EFCAB6: variants seen among roughly 807,000 people sequenced by gnomAD.
EFCAB6 encodes the protein EF-hand calcium-binding domain-containing protein 6.
A neutral mutation model predicts 169.8 loss-of-function variants in EFCAB6; 156 were observed. The ratio of observed to expected loss-of-function variants is 0.92; its 90% CI spans 0.81 to 1.05. EFCAB6 has a LOEUF of 1.05. Among genes scored for constraint, EFCAB6 ranks in the 50% least tolerant of loss-of-function variants. The pLI is 0.00. For synonymous variants in EFCAB6, 698 were observed against 676.4 expected (o/e 1.03, Z -0.50); for missense variants, 1,800 against 1,829.1 (o/e 0.98, Z 0.29).
At chr22:43,810,441 T>A (rs948973916) in intron 1 of EFCAB6, among the ~76,000 whole-genome samples, 1 of 152,190 alleles carries the variant, frequency 6.6e-6, no homozygotes, top group African/African-American at 2.4e-5. Context: ...TGAAAGGGTA[T>A]CATATTCATG....
chr22:43,604,955 C>G (rs1343730345), intron 22 of EFCAB6, among the ~76,000 whole-genome samples: 3 of 152,170 alleles, frequency 2.0e-5, no homozygotes, highest in Non-Finnish European at 2.9e-5. Context: ...GTTTTCAGAG[C>G]ACACCCTCTC....
At chr22:43,633,345 C>T (rs1340124650) in intron 18 of EFCAB6, among the ~76,000 whole-genome samples, 1 of 152,164 alleles carries the variant, frequency 6.6e-6, no homozygotes, top group African/African-American at 2.4e-5. Context: ...GTCAAGAGAT[C>T]GAGACCATCC....
intron 27 of EFCAB6, 69 bp downstream of exon 27, chr22:43,554,800 T>G: frequency 7.3e-7 from 1 of 1,362,478 alleles, no homozygotes; most frequent in Non-Finnish European, 1.0e-6. Flanking sequence ...ACTCTGTACA[T>G]TCTGGCCAGG....
intron 24 of EFCAB6, among the ~76,000 whole-genome samples, chr22:43,586,321 A>C (rs1227396248): frequency 2.1e-5 from 3 of 143,254 alleles, no homozygotes; most frequent in African/African-American, 8.0e-5. Flanking sequence ...GTATACTGTA[A>C]ACTCTTGAGC....
chr22:43,540,327 T>A lies in EFCAB6; in HGVS notation c.3679A>T (p.Asn1227Tyr), dbSNP rs140031636. ...FDRLWNEMPV[N>Y]AKGRLKYPDF... ...GGGTATTTCAGCCTCCCCTTGGCAT[T>A]GACTGGCATCTCGTTCCAGAGTCTG... The change falls in exon 28 of 32, where the codon AAT (asparagine) becomes TAT (tyrosine). Residue 1227 changes from asparagine (N) to tyrosine (Y), a missense_variant. By Grantham distance (143) the Asn-to-Tyr change is moderately radical. Coordinates refer to ENST00000262726, the MANE Select transcript of EFCAB6 (RefSeq NM_022785.4). 2,156 of 1,614,162 alleles carry A rather than the reference T, an allele frequency of 1.3e-3. 5 individuals are homozygous for A. The highest frequency in any genetic ancestry group is 1.5e-3 in the Non-Finnish European group (1,728 of 1,180,034).
intron 26 of EFCAB6, among the ~76,000 whole-genome samples, chr22:43,560,548 A>C (rs1440049001): frequency 6.6e-6 from 1 of 152,226 alleles, no homozygotes; most frequent in Non-Finnish European, 1.5e-5. Context: ...CCATGCTCTC[A>C]GGAGGGAACA....
chr22:43,555,863 T>A (rs1347299265), intron 26 of EFCAB6, among the ~76,000 whole-genome samples: 1 of 152,096 alleles, frequency 6.6e-6, no homozygotes, highest in African/African-American at 2.4e-5. Context: ...GGAGGAGGAA[T>A]TGGCTGTGGA....
intron 7 of EFCAB6, among the ~76,000 whole-genome samples, chr22:43,733,103 A>T (rs1382966317): frequency 6.6e-6 from 1 of 152,206 alleles, no homozygotes; most frequent in South Asian, 2.1e-4. Flanking sequence ...TATTGTTTTA[A>T]TAAGATAAAT....
At chr22:43,576,662 T>A (rs1430855613) in intron 25 of EFCAB6, among the ~76,000 whole-genome samples, 174 bp from the exon 26 acceptor site, 1 of 152,204 alleles carries the variant, frequency 6.6e-6, no homozygotes, top group Non-Finnish European at 1.5e-5. Context: ...GAGACAAGTA[T>A]GATATGAACG....
intron 23 of EFCAB6, among the ~76,000 whole-genome samples, chr22:43,594,054 T>C (rs1411597224): frequency 6.6e-6 from 1 of 152,008 alleles, no homozygotes; most frequent in Non-Finnish European, 1.5e-5. Flanking sequence ...GGTGGGCGGA[T>C]CACCTGAGGT....
rs2061295139 is a variant in EFCAB6 at position 43,765,391 on chromosome 22, G to A, written c.354C>T (p.Ile118=). 2.5e-6 allele frequency: 4 copies of A among 1,610,230 alleles called. No homozygotes were observed. In the East Asian group the frequency reaches 6.7e-5, roughly 27 times the overall value. ...REQFQDVLAQ[I]PLSTSGTVPY... ...GTACAGTACCAGAGGTGCTAAGGGG[G>A]ATCTACAGTCAAGGGAGAAGAATGA... Residue 118 remains isoleucine (I), a splice_region_variant and synonymous_variant, in exon 5 of 32, where the codon ATC becomes ATT. Coordinates refer to ENST00000262726, the MANE Select transcript of EFCAB6 (RefSeq NM_022785.4).
intron 27 of EFCAB6, 147 bp from the exon 28 acceptor site, chr22:43,540,504 G>A (rs761222148): frequency 3.6e-5 from 55 of 1,534,712 alleles, no homozygotes; most frequent in South Asian, 6.0e-5. Flanking sequence ...AAAATAAAAC[G>A]CCCATTTGGC....
chr22:43,739,534 A>G (rs1006719961), intron 6 of EFCAB6, among the ~76,000 whole-genome samples: 4 of 152,030 alleles, frequency 2.6e-5, no homozygotes, highest in Non-Finnish European at 4.4e-5. Context: ...GTCTGTCTTG[A>G]GCCCTGGACT....
chr22:43,550,203 C>G (rs2048302562), intron 27 of EFCAB6, among the ~76,000 whole-genome samples: 1 of 152,048 alleles, frequency 6.6e-6, no homozygotes, highest in Non-Finnish European at 1.5e-5. Flanking sequence ...TGTGCATCCC[C>G]ACTTCACCGA....
chr22:43,765,328 G>A lies in EFCAB6; in HGVS notation c.417C>T (p.Asp139=). The A allele has an allele frequency of 2.5e-6, 4 of 1,612,202 alleles. No individual in the cohort carries two copies. Among genetic ancestry groups the A allele is most frequent in the Non-Finnish European group, 3.4e-6 (4 of 1,178,838 alleles). ...ACCTCTTTATACCATTTATATATAG[G>A]TCAATTCCACCAAACCTGGACAGAA... ...LAFLSRFGGI[D]LYINGIKRGG... Residue 139 remains aspartate, a synonymous_variant, in exon 5 of 32, where the codon GAC becomes GAT. Coordinates refer to ENST00000262726, the MANE Select transcript of EFCAB6 (RefSeq NM_022785.4).
In EFCAB6 at chr22:43,613,564, AAC is replaced by A. The variant is rs552994372; in HGVS notation, c.2562+2260_2562+2261del. Among the ~76,000 whole-genome samples, 9 of 152,222 alleles carry A rather than the reference AAC, an allele frequency of 5.9e-5. No homozygotes were observed. The East Asian group carries it at 1.7e-3, about 29-fold the overall frequency. On this transcript the variant is annotated intron_variant, in intron 21 of 31. Transcript: ENST00000262726. The stretch of plus-strand genomic sequence containing the variant: ...TTACAAGTGGGAGCTAAATGATGAG[AAC>A]ACATGGACACAAAGAAGGGAACAAC...
intron 4 of EFCAB6, among the ~76,000 whole-genome samples, chr22:43,767,643 G>A (rs9614271): frequency 0.37 from 56,848 of 151,994 alleles, 11,341 homozygotes; most frequent in African/African-American, 0.48. Context: ...CTCCCTGCCC[G>A]GCACCGCCAT....
chr22:43,616,473 G>C (rs1014052355), intron 20 of EFCAB6, among the ~76,000 whole-genome samples: 18 of 152,290 alleles, frequency 1.2e-4, no homozygotes, highest in African/African-American at 4.3e-4. Flanking sequence ...GATCAGGCTG[G>C]CCACCATGGT....
chr22:43,614,964 A>C (rs776178501), intron 21 of EFCAB6, among the ~76,000 whole-genome samples: 3 of 152,216 alleles, frequency 2.0e-5, no homozygotes, highest in Middle Eastern at 3.2e-3. Flanking sequence ...TATGGAGTCC[A>C]CAGCACAGAC....
Sources: allele counts gnomAD v4.1 joint callset (sites outside exome capture counted in the v4.1 genomes callset), GRCh38; gene constraint gnomAD v4.1.1; transcripts MANE v1.5; gene names NCBI Gene and HGNC (gene_info 2026-07-23, HGNC 2026-07-21).